OTUD7A: variants seen among roughly 807,000 people sequenced by gnomAD.
OTUD7A encodes OTU deubiquitinase 7A, also known as OTU domain-containing protein 7A.
A neutral mutation model predicts 65.7 loss-of-function variants in OTUD7A; 12 were observed. The observed-to-expected ratio is 0.18, with a 90% CI of 0.12 to 0.30. The LOEUF (loss-of-function observed/expected upper bound fraction) is 0.30. Among genes scored for constraint, OTUD7A ranks in the 10% least tolerant of loss-of-function variants. The pLI is 1.00. For synonymous variants in OTUD7A, 641 were observed against 586.3 expected (o/e 1.09, Z -1.35); for missense variants, 1,148 against 1,304.8 (o/e 0.88, Z 1.85).
At chr15:31,731,517 T>C (rs756072512) in intron 1 of OTUD7A, among the ~76,000 whole-genome samples, 1 of 152,138 alleles carries the variant, frequency 6.6e-6, no homozygotes, top group African/African-American at 2.4e-5. Context: ...ACAGGGACAG[T>C]AAAATGATCA....
chr15:31,641,328 A>C (rs142780564), intron 3 of OTUD7A, among the ~76,000 whole-genome samples: 78 of 152,262 alleles, frequency 5.1e-4, no homozygotes, highest in African/African-American at 1.9e-3. Flanking sequence ...TTCCTTTATA[A>C]ATTACCCAGT....
chr15:31,596,406 C>A (rs1439143529), intron 3 of OTUD7A, among the ~76,000 whole-genome samples: 1 of 152,180 alleles, frequency 6.6e-6, no homozygotes, highest in African/African-American at 2.4e-5. Context: ...ATGTGCGTTA[C>A]TTCTAGGTTT....
At chr15:31,808,136 C>CAAAAAAAAAA (rs1555420129) in intron 1 of OTUD7A, among the ~76,000 whole-genome samples, 6 of 119,514 alleles carry the variant, frequency 5.0e-5, no homozygotes, top group East Asian at 4.7e-4. Flanking sequence ...CACACACACA[C>CAAAAAAAAAA]AAACAAATCC....
In OTUD7A at chr15:31,487,526, A is replaced by G. The variant is rs781584560; in HGVS notation, c.1212T>C (p.Pro404=). The G allele has an allele frequency of 8.7e-6, 14 of 1,613,952 alleles. No individual in the cohort carries two copies. The Admixed American group carries it at 2.2e-4, about 25-fold the overall frequency. ...TGCCAGGGTCCACTGCAAAGTGCAG[A>G]GGCAGCAGCTTGTGCTCAGAATCCG... The part of the protein sequence containing the change: ...PLTDSEHKLL[P]LHFAVDPGKD... The change falls in exon 11 of 13, where the codon CCT becomes CCC. Residue 404 remains proline (P), a synonymous_variant. Coordinates refer to ENST00000307050, the MANE Select transcript of OTUD7A (RefSeq NM_001382637.1). This position sits in a 1 kb window ranked among gnomAD's most constrained non-coding sequence, Gnocchi z 6.0.
chr15:31,713,428 G>C (rs1225685608), intron 1 of OTUD7A, among the ~76,000 whole-genome samples: 1 of 152,114 alleles, frequency 6.6e-6, no homozygotes, highest in Non-Finnish European at 1.5e-5. Context: ...AGACAAGCTT[G>C]GGCAACATGG....
chr15:31,780,496 G>A (rs1422693420), intron 1 of OTUD7A, among the ~76,000 whole-genome samples: 1 of 152,226 alleles, frequency 6.6e-6, no homozygotes, highest in African/African-American at 2.4e-5. Context: ...GGCGGGAGCT[G>A]TGGGAAGGTG....
intron 1 of OTUD7A, among the ~76,000 whole-genome samples, chr15:31,791,410 G>C (rs1483720031): frequency 6.6e-6 from 1 of 152,110 alleles, no homozygotes; most frequent in Non-Finnish European, 1.5e-5. Context: ...ACTCCTCTGG[G>C]ATTCTTCAAA....
At chr15:31,566,195 GAAA>G (rs67409184) in intron 4 of OTUD7A, among the ~76,000 whole-genome samples, 48 of 105,952 alleles carry the variant, frequency 4.5e-4, no homozygotes, top group African/African-American at 1.0e-3. Context: ...CATCTCAAAA[GAAA>G]AAAAAAAAAA....
rs11395303 is a variant in OTUD7A, at chr15:31,481,748, C to CT, written c.*1545dup. The CT allele has an allele frequency of 0.037, 5,607 of 150,190 alleles. 192 individuals are homozygous for CT. Among genetic ancestry groups the CT allele is most frequent in the African/African-American group, 0.089 (3,616 of 40,776 alleles). The allele number at this position is 150,190 out of a possible 1,614,324, so 9.3% of individuals were successfully genotyped here. The stretch of plus-strand genomic sequence containing the variant: ...AGTAAAAAAAATCCCCTCGCCCCCC[C>CT]TTTTTTTTTGTTTTTGCTGCTCTTT... On this transcript the variant is annotated 3_prime_UTR_variant, in exon 13 of 13. Coordinates refer to ENST00000307050, the MANE Select transcript of OTUD7A (RefSeq NM_001382637.1).
intron 3 of OTUD7A, among the ~76,000 whole-genome samples, chr15:31,582,571 G>A (rs545867520): frequency 6.6e-6 from 1 of 152,318 alleles, no homozygotes; most frequent in Non-Finnish European, 1.5e-5. Flanking sequence ...GCAAAGTCAA[G>A]TCTTACATGG....
chr15:31,741,292 T>C (rs913490436), intron 1 of OTUD7A, among the ~76,000 whole-genome samples: 2 of 152,142 alleles, frequency 1.3e-5, no homozygotes, highest in African/African-American at 4.8e-5. Flanking sequence ...AACAAGGATA[T>C]AGAAAAAGTA....
At chr15:31,557,840 T>C (rs776336924) in intron 5 of OTUD7A, 1 of 152,076 alleles carries the variant, frequency 6.6e-6, no homozygotes, top group Non-Finnish European at 1.5e-5. Flanking sequence ...GGTAATTTTA[T>C]TGGGTCTTCG....
At chr15:31,495,347 T>C (rs2041368365) in intron 10 of OTUD7A, among the ~76,000 whole-genome samples, 1 of 152,234 alleles carries the variant, frequency 6.6e-6, no homozygotes, top group Admixed American at 6.5e-5. Context: ...TCTGGGCACC[T>C]GCCCACTCTA....
intron 8 of OTUD7A, among the ~76,000 whole-genome samples, chr15:31,515,052 G>A (rs1314287671): frequency 2.0e-5 from 3 of 152,070 alleles, no homozygotes; most frequent in East Asian, 1.9e-4. Context: ...GTTGAGTGCC[G>A]GCGAGTGAAT....
At position 31,808,136 on chromosome 15, in the gene OTUD7A, C is replaced by CACACACACACACACAA. The variant is rs772574742; in HGVS notation, c.-100+62370_-100+62371insTTGTGTGTGTGTGTGT. Among the ~76,000 whole-genome samples, 481 of 119,456 alleles carry CACACACACACACACAA rather than the reference C, an allele frequency of 4.0e-3. 3 individuals are homozygous for CACACACACACACACAA. The highest frequency in any genetic ancestry group is 0.015 in the East Asian group (64 of 4,226). The allele number at this position is 119,456 out of a possible 152,430, so 78.4% of individuals were successfully genotyped here. A position where few individuals can be genotyped will look rare whatever the true frequency, so the allele number is the denominator to read the frequency against. On this transcript the variant is annotated intron_variant, in intron 1 of 12. Transcript: ENST00000307050. ...ACACACACACACACACACACACACACAAACAAATCCTCACCAGGTTTTTCC... is the reference window on the plus strand; with the variant it reads ...ACACACACACACACACACACACACACACACACACACACACAAAAACAAATCCTCACCAGGTTTTTCC...
intron 3 of OTUD7A, among the ~76,000 whole-genome samples, chr15:31,614,113 G>A (rs1319970290): frequency 6.6e-6 from 1 of 152,120 alleles, no homozygotes; most frequent in African/African-American, 2.4e-5. Flanking sequence ...GGACACAAAG[G>A]CATAGGAATG....
intron 1 of OTUD7A, among the ~76,000 whole-genome samples, chr15:31,660,150 G>A (rs1183368758): frequency 6.6e-6 from 1 of 152,294 alleles, no homozygotes; most frequent in African/African-American, 2.4e-5. Flanking sequence ...ATACATCCCT[G>A]TTAAGGGGGT....
chr15:31,621,591 C>A (rs1391749960), intron 3 of OTUD7A, among the ~76,000 whole-genome samples: 1 of 135,712 alleles, frequency 7.4e-6, no homozygotes, highest in Non-Finnish European at 1.5e-5. Context: ...GCAACCCCTA[C>A]CTTTTTTTTT....
chr15:31,802,897 A>G (rs1019040533), intron 1 of OTUD7A, among the ~76,000 whole-genome samples: 2 of 152,274 alleles, frequency 1.3e-5, no homozygotes, highest in Non-Finnish European at 2.9e-5. Context: ...TGGTGCAAAC[A>G]CTGCTGAGGT....
Sources: allele counts gnomAD v4.1 joint callset (sites outside exome capture counted in the v4.1 genomes callset), GRCh38; gene constraint gnomAD v4.1.1; non-coding constraint Gnocchi (gnomAD v3.1); transcripts MANE v1.5; gene names NCBI Gene and HGNC (gene_info 2026-07-23, HGNC 2026-07-21).